Variants in NRXN3 observed in about 807,000 individuals in gnomAD.
NRXN3 encodes neurexin 3, also known as neurexin III.
NRXN3 carries 32 observed loss-of-function variants against 137.6 expected under a neutral mutation model. The observed-to-expected ratio is 0.23, with a 90% CI of 0.18 to 0.31. The LOEUF (loss-of-function observed/expected upper bound fraction) is 0.31, where lower values mean the gene tolerates loss of function less well. NRXN3 is among the 10% of genes least tolerant of loss of function. The pLI, the probability that NRXN3 is intolerant of heterozygous loss-of-function variation, is 1.00. For missense variants in NRXN3, 1,574 were observed against 2,062.5 expected, an observed-to-expected ratio of 0.76 and a Z score of 4.59; for synonymous variants, 798 against 784.5, an observed-to-expected ratio of 1.02 and a Z score of -0.29.
At chr14:79,033,501 T>A (rs11627320) in intron 15 of NRXN3, among the ~76,000 whole-genome samples, 13,545 of 152,120 alleles carry the variant, frequency 0.089, 1,037 homozygotes, top group Admixed American at 0.27. Context: ...ATCTTCCAGA[T>A]GTTCATAGGT....
intron 15 of NRXN3, among the ~76,000 whole-genome samples, chr14:79,030,374 G>A (rs1435382756): frequency 6.6e-6 from 1 of 151,818 alleles, no homozygotes; most frequent in Non-Finnish European, 1.5e-5. Flanking sequence ...AGATTCCCAG[G>A]GAAAGACTGG....
intron 10 of NRXN3, among the ~76,000 whole-genome samples, chr14:78,865,289 C>A (rs1030762132): frequency 6.6e-6 from 1 of 152,140 alleles, no homozygotes; most frequent in Non-Finnish European, 1.5e-5. Context: ...ATTAACATTT[C>A]TATGAAAATG....
intron 16 of NRXN3, among the ~76,000 whole-genome samples, chr14:79,595,571 A>T (rs1489194454): frequency 1.3e-5 from 2 of 152,170 alleles, no homozygotes; most frequent in African/African-American, 4.8e-5. Flanking sequence ...CATCAAACAC[A>T]ATTTTTGTTC....
intron 4 of NRXN3, among the ~76,000 whole-genome samples, chr14:78,620,276 G>A (rs1279562135): frequency 6.6e-6 from 1 of 152,182 alleles, no homozygotes; most frequent in Non-Finnish European, 1.5e-5. Flanking sequence ...CAGATAGAAT[G>A]TTTACTGAGG....
intron 16 of NRXN3, among the ~76,000 whole-genome samples, chr14:79,551,705 C>T (rs941879426): frequency 6.6e-6 from 1 of 152,070 alleles, no homozygotes; most frequent in African/African-American, 2.4e-5. Context: ...CAGCTGTTCT[C>T]AGTGAAACTG....
chr14:78,187,277 T>C (rs1169384477), intron 1 of NRXN3, among the ~76,000 whole-genome samples: 1 of 151,736 alleles, frequency 6.6e-6, no homozygotes, highest in Non-Finnish European at 1.5e-5. Context: ...TTTTTTTTTT[T>C]TTTCCTCAAA....
At chr14:79,188,856 A>T in intron 15 of NRXN3, among the ~76,000 whole-genome samples, 1 of 152,202 alleles carries the variant, frequency 6.6e-6, no homozygotes, top group East Asian at 1.9e-4. Context: ...CACACCAGTT[A>T]GAATGGCAAT....
At chr14:79,179,028 A>C (rs1209070008) in intron 15 of NRXN3, among the ~76,000 whole-genome samples, 5 of 152,212 alleles carry the variant, frequency 3.3e-5, no homozygotes, top group African/African-American at 1.2e-4. Flanking sequence ...AATGAGGCTG[A>C]TGATGAGAGT....
chr14:78,622,104 G>A (rs575516489), intron 4 of NRXN3, among the ~76,000 whole-genome samples: 33 of 152,254 alleles, frequency 2.2e-4, no homozygotes, highest in Admixed American at 5.9e-4. Context: ...GGGGTGGGAT[G>A]GGATAGAGCT....
intron 15 of NRXN3, among the ~76,000 whole-genome samples, chr14:79,415,848 A>G (rs2095489657): frequency 6.6e-6 from 1 of 152,138 alleles, no homozygotes; most frequent in African/African-American, 2.4e-5. Context: ...CCATCTAGGA[A>G]CTTATTACAA....
chr14:79,523,986 C>A (rs150372103), intron 16 of NRXN3, among the ~76,000 whole-genome samples: 26 of 152,264 alleles, frequency 1.7e-4, no homozygotes, highest in African/African-American at 6.0e-4. Flanking sequence ...TTTTTCTATT[C>A]TGATATTACT....
At chr14:79,856,383 G>C (rs1049589305) in intron 20 of NRXN3, among the ~76,000 whole-genome samples, 1 of 151,992 alleles carries the variant, frequency 6.6e-6, no homozygotes, top group African/African-American at 2.4e-5. Context: ...ATTCTTGGGG[G>C]GAAAAGAATT....
intron 16 of NRXN3, among the ~76,000 whole-genome samples, chr14:79,602,940 C>T (rs1372685307): frequency 6.6e-6 from 1 of 152,110 alleles, no homozygotes; most frequent in Admixed American, 6.5e-5. Context: ...AACTTTATTC[C>T]GTGGGCTGCT....
intron 10 of NRXN3, among the ~76,000 whole-genome samples, chr14:78,851,236 T>G (rs1270637723): frequency 1.3e-5 from 2 of 152,184 alleles, no homozygotes; most frequent in Non-Finnish European, 2.9e-5. Context: ...TTTAATTTTC[T>G]TCCTTTTAGA....
chr14:78,980,311 A>G (rs1190417229), intron 14 of NRXN3, among the ~76,000 whole-genome samples: 7 of 152,110 alleles, frequency 4.6e-5, no homozygotes, highest in East Asian at 3.9e-4. Flanking sequence ...GCTGCACCCT[A>G]CATTTCTCCA....
At chr14:78,877,968 T>A (rs1366759163) in intron 10 of NRXN3, among the ~76,000 whole-genome samples, 2 of 152,214 alleles carry the variant, frequency 1.3e-5, no homozygotes, top group African/African-American at 4.8e-5. Flanking sequence ...TTTTGCAGGA[T>A]GAATATTTAG....
In NRXN3 at chr14:78,888,848, T is replaced by TACACACACATACACACACAC. The variant is rs138583318; in HGVS notation, c.2276-68385_2276-68384insTACACACACACACACACACA. Among the ~76,000 whole-genome samples, 670 of 146,410 alleles carry TACACACACATACACACACAC rather than the reference T, an allele frequency of 4.6e-3. 5 individuals are homozygous for TACACACACATACACACACAC. The highest frequency in any genetic ancestry group is 0.016 in the African/African-American group (621 of 39,746). Reference sequence around the variant, plus strand: ...CTAGTTGGGAGAGTAATCACACACATACACACACACACACACACACACACC... The same window carrying TACACACACATACACACACAC: ...CTAGTTGGGAGAGTAATCACACACATACACACACATACACACACACACACACACACACACACACACACACC... On this transcript the variant is annotated intron_variant, in intron 10 of 20. Transcript: ENST00000335750.
At chr14:79,822,207 C>T (rs1319518305) in intron 20 of NRXN3, among the ~76,000 whole-genome samples, 3 of 152,048 alleles carry the variant, frequency 2.0e-5, no homozygotes, top group Admixed American at 2.0e-4. Context: ...TGTTATCTGC[C>T]CACACAGAGG....
At chr14:78,431,988 T>C (rs1240918546) in intron 4 of NRXN3, among the ~76,000 whole-genome samples, 1 of 152,168 alleles carries the variant, frequency 6.6e-6, no homozygotes, top group Non-Finnish European at 1.5e-5. Context: ...GCCAGGATTT[T>C]AACCGGGGTA....
Sources: gnomAD v4.1 joint callset for allele counts (sites outside exome capture counted in the v4.1 genomes callset) on GRCh38, gnomAD v4.1.1 for gene constraint, MANE v1.5 for transcripts, NCBI Gene and HGNC (gene_info 2026-07-23, HGNC 2026-07-21) for gene names.